Variants in ZNF827 observed in about 807,000 individuals in gnomAD.
ZNF827 encodes zinc finger protein 827.
Under a neutral mutation model 102.4 loss-of-function variants are expected in ZNF827, and 13 were observed. The ratio of observed to expected loss-of-function variants is 0.13; its 90% CI spans 0.08 to 0.20. The LOEUF (loss-of-function observed/expected upper bound fraction) is 0.20, where lower values mean the gene tolerates loss of function less well. Ranked by LOEUF, ZNF827 falls within the 10% of genes least tolerant of loss-of-function variation. The pLI is 1.00. For synonymous variants in ZNF827, 523 were observed against 536.2 expected, an observed-to-expected ratio of 0.98 and a Z score of 0.34; for missense variants, 1,103 against 1,344.4, an observed-to-expected ratio of 0.82 and a Z score of 2.81.
intron 7 of ZNF827, among the ~76,000 whole-genome samples, chr4:145,833,749 C>T (rs1368242441): frequency 6.7e-6 from 1 of 149,090 alleles, no homozygotes; most frequent in Non-Finnish European, 1.5e-5. Context: ...TCTCTGCACC[C>T]CAATCCCTTA....
rs148626377 is a variant in ZNF827, at chr4:145,917,596, A to G, written c.44-14381T>C. 6.7e-4 allele frequency among the ~76,000 whole-genome samples: 101 copies of G among 151,040 alleles called. No individual in the cohort carries two copies. The Middle Eastern group carries it at 0.014, about 21-fold the overall frequency. On this transcript the variant is annotated intron_variant, in intron 1 of 14. Coordinates refer to ENST00000508784, the MANE Select transcript of ZNF827 (RefSeq NM_001306215.2). ...CAAACCCATGAACTTTGGGGAACACACTCAAATCATAGCACTTTGGAAAAT... is the reference window on the plus strand; with the variant it reads ...CAAACCCATGAACTTTGGGGAACACGCTCAAATCATAGCACTTTGGAAAAT...
At chr4:145,854,829 C>T (rs1480083115) in intron 5 of ZNF827, among the ~76,000 whole-genome samples, 2 of 152,226 alleles carry the variant, frequency 1.3e-5, no homozygotes, top group African/African-American at 4.8e-5. Flanking sequence ...CTCTCTCCCT[C>T]ATCTTTTCTA....
At chr4:145,905,399 T>A (rs1229932851) in intron 1 of ZNF827, among the ~76,000 whole-genome samples, 1 of 152,242 alleles carries the variant, frequency 6.6e-6, no homozygotes, top group African/African-American at 2.4e-5. Context: ...GAAGCTAAAA[T>A]TCTGCAACTC....
At chr4:145,835,886 C>A (rs1336396716) in intron 7 of ZNF827, among the ~76,000 whole-genome samples, 1 of 151,778 alleles carries the variant, frequency 6.6e-6, no homozygotes, top group Admixed American at 6.6e-5. Flanking sequence ...AGTTCAGGAT[C>A]TGCGCCTTAT....
intron 8 of ZNF827, among the ~76,000 whole-genome samples, chr4:145,807,795 AAAAAC>A (rs1560946626): frequency 6.7e-6 from 1 of 149,172 alleles, no homozygotes; most frequent in Non-Finnish European, 1.5e-5. Context: ...AACAAAAAAC[AAAAAC>A]AAAAAAAAAA....
At chr4:145,781,526 G>C (rs1415111709) in intron 8 of ZNF827, among the ~76,000 whole-genome samples, 1 of 152,202 alleles carries the variant, frequency 6.6e-6, no homozygotes, top group Non-Finnish European at 1.5e-5. Flanking sequence ...TGATTCATCT[G>C]TGTTTGTTAA....
At chr4:145,937,251 C>G (rs1014393696) in intron 1 of ZNF827, among the ~76,000 whole-genome samples, 52 of 151,476 alleles carry the variant, frequency 3.4e-4, no homozygotes, top group African/African-American at 1.2e-3. Flanking sequence ...GGGAAGGGGA[C>G]CGGGCCGTGC....
chr4:145,823,025 C>T (rs1338078247), intron 8 of ZNF827, among the ~76,000 whole-genome samples: 1 of 152,230 alleles, frequency 6.6e-6, no homozygotes, highest in African/African-American at 2.4e-5. Context: ...GTGGCCCACA[C>T]CCCCTGGGGT....
intron 8 of ZNF827, among the ~76,000 whole-genome samples, chr4:145,795,080 A>C (rs1417553606): frequency 6.6e-6 from 1 of 152,196 alleles, no homozygotes. Flanking sequence ...CTCGAGATCC[A>C]TGTACTGGGG....
intron 11 of ZNF827, among the ~76,000 whole-genome samples, chr4:145,773,223 C>T (rs569733881): frequency 3.8e-4 from 58 of 152,356 alleles, no homozygotes; most frequent in Non-Finnish European, 7.1e-4. Context: ...GGTTTCCCAG[C>T]TCACCTGCTG....
chr4:145,877,036 TAGC>T (rs1172260906), intron 4 of ZNF827, among the ~76,000 whole-genome samples: 2 of 152,142 alleles, frequency 1.3e-5, no homozygotes, highest in Non-Finnish European at 2.9e-5. Context: ...GCTCACCAAA[TAGC>T]AACTTTTTTT....
intron 1 of ZNF827, among the ~76,000 whole-genome samples, chr4:145,924,953 C>T (rs1579583640): frequency 6.6e-6 from 1 of 152,166 alleles, no homozygotes; most frequent in African/African-American, 2.4e-5. Context: ...AAAGACATAC[C>T]CGAGACTGGG....
Position 145,903,057 on chromosome 4 carries a change from C to A in ZNF827, c.202G>T (p.Asp68Tyr), listed in dbSNP as rs1751558542. Residue 68 changes from aspartate to tyrosine, a missense_variant, in exon 2 of 15, where the codon GAC (aspartate) becomes TAC (tyrosine). Physicochemically the swap from Asp to Tyr is radical, Grantham distance 160. Transcript: ENST00000508784. The part of the protein sequence containing the change: ...DRIQEQSTSP[D>Y]TSLGSTTPSS... ...GGAGTCGTGCTTCCCAAGGAGGTGTCCGGGGACGTGGACTGCTCCTGGATC... is the reference window on the plus strand; with the variant it reads ...GGAGTCGTGCTTCCCAAGGAGGTGTACGGGGACGTGGACTGCTCCTGGATC... The A allele has an allele frequency of 2.5e-6, 4 of 1,614,194 alleles. No individual in the cohort carries two copies. The highest frequency in any genetic ancestry group is 3.4e-6 in the Non-Finnish European group (4 of 1,180,038).
intron 7 of ZNF827, among the ~76,000 whole-genome samples, 169 bp downstream of exon 7, chr4:145,845,787 G>A (rs1054217372): frequency 5.3e-5 from 8 of 152,156 alleles, no homozygotes; most frequent in African/African-American, 1.9e-4. Flanking sequence ...CCTCCTTTAC[G>A]TCTGTATTGT....
chr4:145,841,037 G>A (rs1745366430), intron 7 of ZNF827, among the ~76,000 whole-genome samples: 1 of 152,184 alleles, frequency 6.6e-6, no homozygotes, highest in Non-Finnish European at 1.5e-5. Context: ...GAACAATTCA[G>A]GCAAACTCTT....
At chr4:145,906,939 T>G (rs971421542) in intron 1 of ZNF827, 9 of 410,840 alleles carry the variant, frequency 2.2e-5, no homozygotes, top group African/African-American at 1.9e-4. Context: ...TTTCTGAAGA[T>G]GCTGCTACTG....
At chr4:145,769,597 T>C (rs888629189) in intron 11 of ZNF827, among the ~76,000 whole-genome samples, 3 of 152,202 alleles carry the variant, frequency 2.0e-5, no homozygotes, top group African/African-American at 7.2e-5. Flanking sequence ...GCTCAATGTG[T>C]AATCCCTAGT....
chr4:145,777,652 A>G (rs1737324609), intron 9 of ZNF827, among the ~76,000 whole-genome samples: 2 of 152,040 alleles, frequency 1.3e-5, no homozygotes. Context: ...AACTTTGAGT[A>G]TTTTTGCTTC....
At chr4:145,810,129 C>G (rs1243486501) in intron 8 of ZNF827, among the ~76,000 whole-genome samples, 1 of 152,132 alleles carries the variant, frequency 6.6e-6, no homozygotes, top group African/African-American at 2.4e-5. Context: ...TAGATTTATT[C>G]TTTCTGCTCT....
Sources: allele counts gnomAD v4.1 joint callset (sites outside exome capture counted in the v4.1 genomes callset), GRCh38; gene constraint gnomAD v4.1.1; transcripts MANE v1.5; gene names NCBI Gene and HGNC (gene_info 2026-07-23, HGNC 2026-07-21).